THSD7B: variants seen among roughly 807,000 people sequenced by gnomAD.
THSD7B encodes thrombospondin type 1 domain containing 7B.
In THSD7B, 138 loss-of-function variants were observed where a neutral mutation model predicts 213.6. The observed-to-expected ratio is 0.65, with a 90% CI of 0.56 to 0.74. The LOEUF (loss-of-function observed/expected upper bound fraction) is 0.74, where lower values mean the gene tolerates loss of function less well. THSD7B is among the 30% of genes least tolerant of loss of function. The pLI is 0.00. For synonymous variants in THSD7B, 742 were observed against 687.0 expected (o/e 1.08, Z -1.25); for missense variants, 1,931 against 1,991.5 (o/e 0.97, Z 0.58).
intron 16 of THSD7B, among the ~76,000 whole-genome samples, chr2:137,564,257 A>G (rs1366223815): frequency 1.3e-5 from 2 of 152,330 alleles, no homozygotes; most frequent in South Asian, 4.1e-4. Flanking sequence ...TAGTTATGTC[A>G]TTGATTGTTA....
In THSD7B at chr2:137,405,732, T is replaced by A; in HGVS notation, c.2620T>A (p.Phe874Ile). ...AGTCCCATGTCGAGAAGACTGCACC[T>A]TCACTGCTTGGTCCAAGTTTACGCC... ...CTVPCREDCTFTAWSKFTPCS... is the reference protein window; with the variant it reads ...CTVPCREDCTITAWSKFTPCS... Residue 874 changes from phenylalanine (F) to isoleucine (I), a missense_variant, in exon 13 of 28, where the codon TTC becomes ATC. By Grantham distance (21) the Phe-to-Ile change is conservative. Transcript: ENST00000409968. 1 of 1,613,790 alleles carries A rather than the reference T, an allele frequency of 6.2e-7. No homozygotes were observed. The highest frequency in any genetic ancestry group is 8.5e-7 in the Non-Finnish European group (1 of 1,179,830).
intron 12 of THSD7B, among the ~76,000 whole-genome samples, chr2:137,284,863 G>A (rs528160919): frequency 5.3e-5 from 8 of 152,168 alleles, no homozygotes; most frequent in Middle Eastern, 3.4e-3. Flanking sequence ...GTGCTGAAAA[G>A]AATGTATATT....
intron 12 of THSD7B, among the ~76,000 whole-genome samples, chr2:137,295,057 C>T (rs968295750): frequency 6.6e-6 from 1 of 151,920 alleles, no homozygotes; most frequent in Non-Finnish European, 1.5e-5. Flanking sequence ...TTTCTCCTTC[C>T]TCTCCCCCTG....
intron 1 of THSD7B, among the ~76,000 whole-genome samples, chr2:136,844,257 A>G (rs1682964316): frequency 6.6e-6 from 1 of 152,180 alleles, no homozygotes. Context: ...CAATGTGGTA[A>G]CTATGAGGCA....
At chr2:137,340,981 GTT>G (rs70978213) in intron 12 of THSD7B, among the ~76,000 whole-genome samples, 1,253 of 98,666 alleles carry the variant, frequency 0.013, 12 homozygotes, top group African/African-American at 0.027. Flanking sequence ...TTCTCTTTTT[GTT>G]TTTTTTTTTT....
intron 5 of THSD7B, among the ~76,000 whole-genome samples, chr2:137,157,503 A>C (rs1558941208): frequency 6.6e-6 from 1 of 152,132 alleles, no homozygotes; most frequent in Non-Finnish European, 1.5e-5. Context: ...CTCATTCTAC[A>C]GTTATTTTTG....
chr2:136,841,322 G>A (rs544147679), intron 1 of THSD7B, among the ~76,000 whole-genome samples: 6 of 152,080 alleles, frequency 3.9e-5, no homozygotes, highest in Admixed American at 2.6e-4. Flanking sequence ...AAGACCGGGC[G>A]CAGTGGCTCA....
intron 12 of THSD7B, among the ~76,000 whole-genome samples, chr2:137,277,004 A>G (rs1359080932): frequency 6.6e-6 from 1 of 152,076 alleles, no homozygotes; most frequent in Admixed American, 6.6e-5. Context: ...TTACTTTCAT[A>G]TATCACTAAA....
At chr2:137,216,510 T>C (rs1328614776) in intron 7 of THSD7B, among the ~76,000 whole-genome samples, 1 of 151,748 alleles carries the variant, frequency 6.6e-6, no homozygotes, top group Non-Finnish European at 1.5e-5. Flanking sequence ...TGGAACAGAG[T>C]CCCTTTTCCA....
At chr2:137,600,514 G>C (rs1573735957) in intron 17 of THSD7B, among the ~76,000 whole-genome samples, 1 of 152,204 alleles carries the variant, frequency 6.6e-6, no homozygotes, top group Non-Finnish European at 1.5e-5. Flanking sequence ...AAGGCAGGCA[G>C]ATCACTTGAA....
chr2:136,771,442 A>T (rs961105402), intron 1 of THSD7B, among the ~76,000 whole-genome samples: 1 of 152,160 alleles, frequency 6.6e-6, no homozygotes, highest in Non-Finnish European at 1.5e-5. Context: ...ATACTACATC[A>T]ATTTAACTCT....
At chr2:137,279,105 T>C (rs1682937274) in intron 12 of THSD7B, among the ~76,000 whole-genome samples, 3 of 152,052 alleles carry the variant, frequency 2.0e-5, no homozygotes, top group African/African-American at 7.2e-5. Context: ...TTTAGAAACA[T>C]GAAGTACCCA....
chr2:137,521,348 G>A (rs931761436), intron 15 of THSD7B, among the ~76,000 whole-genome samples: 1 of 152,094 alleles, frequency 6.6e-6, no homozygotes, highest in Non-Finnish European at 1.5e-5. Flanking sequence ...TGTGACTACA[G>A]ACATCAGTGA....
intron 10 of THSD7B, among the ~76,000 whole-genome samples, chr2:137,270,162 G>T (rs887853482): frequency 5.4e-5 from 5 of 92,092 alleles, no homozygotes; most frequent in Non-Finnish European, 1.0e-4. Context: ...GACAGTGTGA[G>T]GCAATACAGA....
intron 16 of THSD7B, 61 bp downstream of exon 16, chr2:137,563,415 A>G: frequency 6.3e-7 from 1 of 1,586,288 alleles, no homozygotes; most frequent in African/African-American, 1.3e-5. Context: ...ATTTTTTATA[A>G]AAACAACAGT....
chr2:137,358,248 A>G (rs951420359), intron 12 of THSD7B, among the ~76,000 whole-genome samples: 7 of 152,188 alleles, frequency 4.6e-5, no homozygotes, highest in African/African-American at 1.7e-4. Flanking sequence ...CCCTGAAAAG[A>G]CACATTTTTT....
intron 3 of THSD7B, among the ~76,000 whole-genome samples, chr2:137,083,823 GC>G (rs1209427507): frequency 6.6e-6 from 1 of 152,064 alleles, no homozygotes; most frequent in African/African-American, 2.4e-5. Context: ...TGGGCAAGCT[GC>G]TGCCATATGG....
intron 21 of THSD7B, among the ~76,000 whole-genome samples, chr2:137,644,609 C>G (rs10166691): frequency 0.24 from 36,450 of 152,112 alleles, 4,762 homozygotes; most frequent in South Asian, 0.39. Flanking sequence ...ATAGGTAACA[C>G]CATATCTTCT....
chr2:137,333,299 C>G (rs1227526944), intron 12 of THSD7B, among the ~76,000 whole-genome samples: 1 of 152,198 alleles, frequency 6.6e-6, no homozygotes, highest in Non-Finnish European at 1.5e-5. Context: ...TTAATCTATT[C>G]TCTACTCTGC....
Sources: allele counts gnomAD v4.1 joint callset (sites outside exome capture counted in the v4.1 genomes callset), GRCh38; gene constraint gnomAD v4.1.1; transcripts MANE v1.5; gene names NCBI Gene and HGNC (gene_info 2026-07-23, HGNC 2026-07-21).